Variants in ANKRD42 observed in about 807,000 individuals in gnomAD.
ANKRD42 encodes ankyrin repeat domain-containing protein 42.
Under a neutral mutation model 51.5 loss-of-function variants are expected in ANKRD42, and 43 were observed. That is an observed-to-expected ratio of 0.83 (90% CI 0.65 to 1.08). The LOEUF (loss-of-function observed/expected upper bound fraction) is 1.08. Among genes scored for constraint, ANKRD42 ranks in the 50% least tolerant of loss-of-function variants. The pLI, the probability that ANKRD42 is intolerant of heterozygous loss-of-function variation, is 0.00. For synonymous variants in ANKRD42, 203 were observed against 213.0 expected, an observed-to-expected ratio of 0.95 and a Z score of 0.41; for missense variants, 608 against 629.3, an observed-to-expected ratio of 0.97 and a Z score of 0.36.
At chr11:83,259,241 T>C (rs543693379), downstream of ANKRD42, 2 of 152,272 alleles carry the variant, frequency 1.3e-5, no homozygotes, top group African/African-American at 4.8e-5. Context: ...AATAGAGGTA[T>C]AGTTTTAAGG....
At chr11:83,205,057 G>T (rs542663211) in intron 2 of ANKRD42, among the ~76,000 whole-genome samples, 7 of 152,294 alleles carry the variant, frequency 4.6e-5, no homozygotes, top group African/African-American at 1.2e-4. Flanking sequence ...ATACATTGCT[G>T]GTGGGAATGT....
At chr11:83,225,774 C>T (rs1368475317) in intron 6 of ANKRD42, among the ~76,000 whole-genome samples, 1 of 123,686 alleles carries the variant, frequency 8.1e-6, no homozygotes, top group Admixed American at 8.4e-5. Context: ...GAGCGAAACT[C>T]CATCCTGGAA....
intron 5 of ANKRD42, among the ~76,000 whole-genome samples, chr11:83,212,474 G>T (rs1862361397): frequency 6.6e-6 from 1 of 152,200 alleles, no homozygotes; most frequent in Non-Finnish European, 1.5e-5. Flanking sequence ...CTACAGTAAA[G>T]TGGCCAGTGG....
At chr11:83,214,323 A>G (rs1862444338) in intron 5 of ANKRD42, 1 of 594,236 alleles carries the variant, frequency 1.7e-6, no homozygotes, top group Non-Finnish European at 2.1e-6. Context: ...TATCTTTCAT[A>G]TTTATATTCC....
chr11:83,197,112 C>A (rs949723151), intron 1 of ANKRD42, among the ~76,000 whole-genome samples: 2 of 151,952 alleles, frequency 1.3e-5, no homozygotes, highest in African/African-American at 4.8e-5. Flanking sequence ...CATGTGCACA[C>A]CTTACAGATG....
chr11:83,214,576 C>G, intron 5 of ANKRD42: 1 of 980,578 alleles, frequency 1.0e-6, no homozygotes, highest in Non-Finnish European at 1.2e-6. Flanking sequence ...TCAAATCGCT[C>G]TCATAAAATT....
At chr11:83,213,014 C>G (rs761145248) in intron 5 of ANKRD42, 2 of 1,599,766 alleles carry the variant, frequency 1.3e-6, no homozygotes, top group Admixed American at 3.3e-5. Flanking sequence ...CATGGCCACC[C>G]TCAGACCCCT....
chr11:83,232,904 T>A (rs527495190), intron 7 of ANKRD42, among the ~76,000 whole-genome samples: 1 of 152,226 alleles, frequency 6.6e-6, no homozygotes, highest in Non-Finnish European at 1.5e-5. Context: ...ATATGTTGAA[T>A]CATCGGTGTA....
At chr11:83,264,200 A>C (rs541485207), downstream of ANKRD42, among the ~76,000 whole-genome samples, 24 of 152,204 alleles carry the variant, frequency 1.6e-4, no homozygotes, top group Non-Finnish European at 2.6e-4. Flanking sequence ...GCCTGTTAAT[A>C]AAGGACTGGA....
In ANKRD42 at chr11:83,209,380, G is replaced by A. The variant is rs1862214521; in HGVS notation, c.331-920G>A. On this transcript the variant is annotated intron_variant, in intron 3 of 10. Coordinates refer to ENST00000533342, the MANE Select transcript of ANKRD42 (RefSeq NM_001300975.2). ...GGAGGTTGGCAGCGCGGGGCTGCAG[G>A]CTAGCAAACCGAGCGATCATGTCGC... 7.1e-6 allele frequency: 11 copies of A among 1,548,958 alleles called. No individual in the cohort carries two copies. In the South Asian group the frequency reaches 1.2e-4, roughly 17 times the overall value.
At chr11:83,212,618 A>C in intron 5 of ANKRD42, 1 of 1,477,210 alleles carries the variant, frequency 6.8e-7, no homozygotes, top group Non-Finnish European at 9.1e-7. Flanking sequence ...GCAGAATAAT[A>C]TGAACAGGCC....
intron 9 of ANKRD42, among the ~76,000 whole-genome samples, chr11:83,243,211 T>C (rs1192497278): frequency 6.6e-6 from 1 of 152,210 alleles, no homozygotes; most frequent in Non-Finnish European, 1.5e-5. Context: ...TGATTTGCAT[T>C]TCTCTAATGA....
chr11:83,228,204 T>C (rs1862950341), intron 7 of ANKRD42, among the ~76,000 whole-genome samples: 1 of 141,324 alleles, frequency 7.1e-6, no homozygotes, highest in African/African-American at 2.5e-5. Context: ...TAATTCATAC[T>C]AAAATAGAAA....
chr11:83,211,723 G>T (rs1862328545), intron 5 of ANKRD42, among the ~76,000 whole-genome samples: 1 of 152,050 alleles, frequency 6.6e-6, no homozygotes, highest in African/African-American at 2.4e-5. Context: ...GGATTTGGGA[G>T]CCCAGGGATT....
chr11:83,211,905 C>T (rs1862337353), intron 5 of ANKRD42, among the ~76,000 whole-genome samples: 1 of 152,048 alleles, frequency 6.6e-6, no homozygotes, highest in Non-Finnish European at 1.5e-5. Context: ...ACATCACACC[C>T]ATCTTATGTA....
chr11:83,206,131 T>C lies in ANKRD42; in HGVS notation c.296T>C (p.Ile99Thr), dbSNP rs1862063537. 2 of 1,614,056 alleles carry C rather than the reference T, an allele frequency of 1.2e-6. No individual in the cohort carries two copies. Among genetic ancestry groups the C allele is most frequent in the South Asian group, 2.2e-5 (2 of 91,082 alleles). Residue 99 changes from isoleucine (I) to threonine (T), a missense_variant, in exon 3 of 11, where the codon ATA (isoleucine) becomes ACA (threonine). Coordinates refer to ENST00000533342, the MANE Select transcript of ANKRD42 (RefSeq NM_001300975.2). Reference sequence around the variant, plus strand: ...ACGAGAGGTTGGACAGCATCTCACATAGCTGCAATCAGGGGTCAGGATGCT... The same window carrying C: ...ACGAGAGGTTGGACAGCATCTCACACAGCTGCAATCAGGGGTCAGGATGCT... ...VTTRGWTASH[I>T]AAIRGQDACV...
chr11:83,260,341 A>G (rs948912424), downstream of ANKRD42: 2 of 152,326 alleles, frequency 1.3e-5, no homozygotes, highest in Non-Finnish European at 2.9e-5. Flanking sequence ...AACTGAACAA[A>G]TGCAGTATAC....
intron 3 of ANKRD42, 25 bp downstream of exon 3, chr11:83,206,190 AG>A: frequency 1.3e-6 from 2 of 1,532,432 alleles, no homozygotes; most frequent in Non-Finnish European, 1.8e-6. Flanking sequence ...TTTTTCAGTA[AG>A]TTCAATTACT....
intron 1 of ANKRD42, among the ~76,000 whole-genome samples, chr11:83,197,597 A>G (rs950784002): frequency 1.3e-5 from 2 of 152,136 alleles, no homozygotes; most frequent in Admixed American, 1.3e-4. Context: ...TGTTTTCAAA[A>G]CAACTTCAGG....
Sources: gnomAD v4.1 joint callset for allele counts (sites outside exome capture counted in the v4.1 genomes callset) on GRCh38, gnomAD v4.1.1 for gene constraint, MANE v1.5 for transcripts, NCBI Gene and HGNC (gene_info 2026-07-23, HGNC 2026-07-21) for gene names.